The following OLAH variants were observed in gnomAD, a reference collection of about 807,000 sequenced individuals.
OLAH encodes oleoyl-ACP hydrolase.
OLAH carries 33 observed loss-of-function variants against 27.8 expected under a neutral mutation model. That is an observed-to-expected ratio of 1.19 (90% CI 0.90 to 1.59). The LOEUF is 1.59. Ranked by LOEUF, OLAH falls within the 40% of genes most tolerant of loss-of-function variation. The pLI is 0.00. For missense variants in OLAH, 359 were observed against 310.8 expected (o/e 1.16, Z -1.17); for synonymous variants, 120 against 102.9 (o/e 1.17, Z -1.01).
intron 3 of OLAH, among the ~76,000 whole-genome samples, chr10:15,051,117 C>T (rs1380927288): frequency 6.9e-6 from 1 of 143,922 alleles, no homozygotes; most frequent in Non-Finnish European, 1.5e-5. Flanking sequence ...GCTCTGTCTC[C>T]CAGGCTGGAG....
In OLAH at chr10:15,043,997, T is replaced by C. The variant is rs1843968331; in HGVS notation, c.-164+11T>C. The C allele has an allele frequency of 6.6e-6, 1 of 152,198 alleles. No homozygotes were observed. The allele number at this position is 152,198 out of a possible 1,614,324, so 9.4% of individuals were successfully genotyped here. On this transcript the variant is annotated intron_variant, in intron 1 of 7. Transcript: ENST00000378228. ...CTCAAAGCCTGGCAAGTGAGTATCT[T>C]ATATTTTAAATTATCTAAAAATCAT...
In OLAH at chr10:15,066,605, TTTTATTTATTTATTTATTTATTTATTTA is replaced by T. The variant is rs150391579; in HGVS notation, c.572+876_572+903del. Among the ~76,000 whole-genome samples, 14 of 144,958 alleles carry T rather than the reference TTTTATTTATTTATTTATTTATTTATTTA, an allele frequency of 9.7e-5. No individual in the cohort carries two copies. In the East Asian group the frequency reaches 1.0e-3, roughly 10 times the overall value. On this transcript the variant is annotated intron_variant, in intron 6 of 7. Coordinates refer to ENST00000378228, the MANE Select transcript of OLAH (RefSeq NM_001039702.3). ...TCCCCAATAATCTTTCCTATTTTTA[TTTTATTTATTTATTTATTTATTTATTTA>T]TTTATTTATTTATTTATTTATTTTT... is the stretch of plus-strand genomic sequence containing the variant.
chr10:15,060,070 C>T (rs1844333088), intron 3 of OLAH, among the ~76,000 whole-genome samples: 1 of 152,064 alleles, frequency 6.6e-6, no homozygotes, highest in South Asian at 2.1e-4. Flanking sequence ...TTCTCTCCTT[C>T]TGGGACTCCA....
At chr10:15,055,333 G>A (rs1302502018) in intron 3 of OLAH, among the ~76,000 whole-genome samples, 1 of 152,142 alleles carries the variant, frequency 6.6e-6, no homozygotes, top group African/African-American at 2.4e-5. Context: ...AAACCACCTC[G>A]TTTGTGTGGG....
intron 1 of OLAH, among the ~76,000 whole-genome samples, chr10:15,037,253 G>C (rs1197954340): frequency 6.6e-6 from 1 of 152,028 alleles, no homozygotes; most frequent in African/African-American, 2.4e-5. Context: ...ATACAGAACA[G>C]TTTTTAATAC....
At chr10:15,051,305 C>A (rs575941525) in intron 3 of OLAH, among the ~76,000 whole-genome samples, 327 of 152,198 alleles carry the variant, frequency 2.1e-3, no homozygotes, top group Non-Finnish European at 2.4e-3. Context: ...TGTTAACAAT[C>A]AGAATTCTTA....
chr10:15,033,193 C>T (rs1041789812), intron 1 of OLAH, among the ~76,000 whole-genome samples: 1 of 152,064 alleles, frequency 6.6e-6, no homozygotes, highest in African/African-American at 2.4e-5. Context: ...AAGTATTTAA[C>T]TCATGTAGCA....
intron 7 of OLAH, 53 bp from the exon 8 acceptor site, chr10:15,073,034 A>T (rs1844622283): frequency 1.3e-6 from 2 of 1,553,080 alleles, no homozygotes; most frequent in African/African-American, 1.4e-5. Flanking sequence ...TCTTGATGTG[A>T]ATCTTTAGTT....
At chr10:15,070,046 T>C (rs540158374) in intron 6 of OLAH, among the ~76,000 whole-genome samples, 79 of 152,276 alleles carry the variant, frequency 5.2e-4, no homozygotes, top group Non-Finnish European at 9.0e-4. Flanking sequence ...CCCATCTCTC[T>C]GTAGTGGGAG....
At chr10:15,042,736 A>T (rs1843941345), upstream of OLAH, among the ~76,000 whole-genome samples, 2 of 151,762 alleles carry the variant, frequency 1.3e-5, no homozygotes, top group African/African-American at 4.8e-5. Context: ...CCTTCTTTTC[A>T]TCCTTAGCTC....
At chr10:15,041,556 G>T (rs1261059710), upstream of OLAH, among the ~76,000 whole-genome samples, 1 of 150,244 alleles carries the variant, frequency 6.7e-6, no homozygotes, top group Non-Finnish European at 1.5e-5. Flanking sequence ...AGGATTACAG[G>T]CGTGAGCCAC....
chr10:15,050,539 ATTT>A (rs764081489), intron 3 of OLAH, among the ~76,000 whole-genome samples: 4 of 109,060 alleles, frequency 3.7e-5, no homozygotes, highest in Admixed American at 1.1e-4. Flanking sequence ...AAGTGCTAGG[ATTT>A]TTTTTTTTTT....
intron 1 of OLAH, among the ~76,000 whole-genome samples, chr10:15,034,804 CTT>C (rs71505056): frequency 4.8e-5 from 4 of 83,462 alleles, no homozygotes; most frequent in Admixed American, 1.2e-4. Context: ...TTCTTTCTTT[CTT>C]TTTTTTTTTT....
chr10:15,060,329 C>T (rs1396676654), intron 3 of OLAH, among the ~76,000 whole-genome samples: 2 of 152,092 alleles, frequency 1.3e-5, no homozygotes, highest in Admixed American at 6.6e-5. Flanking sequence ...GCCACCACGC[C>T]CAGCCAATTT....
At chr10:15,043,230 A>G (rs1018785687), upstream of OLAH, among the ~76,000 whole-genome samples, 5 of 152,090 alleles carry the variant, frequency 3.3e-5, no homozygotes, top group African/African-American at 1.2e-4. Context: ...AAAATAGGGG[A>G]CATAATACCT....
chr10:15,053,679 C>G (rs1844188995), intron 3 of OLAH, among the ~76,000 whole-genome samples: 2 of 151,998 alleles, frequency 1.3e-5, no homozygotes, highest in South Asian at 4.1e-4. Flanking sequence ...TCCAAGTGTA[C>G]TTCACACTTC....
At chr10:15,037,593 G>A (rs761615295) in intron 1 of OLAH, among the ~76,000 whole-genome samples, 13 of 108,414 alleles carry the variant, frequency 1.2e-4, no homozygotes. Context: ...AAAAAAAAGT[G>A]TAAGTCACTA....
chr10:15,051,078 ATTTT>A (rs35201278), intron 3 of OLAH, among the ~76,000 whole-genome samples: 1 of 134,838 alleles, frequency 7.4e-6, no homozygotes. Context: ...TATTATTATT[ATTTT>A]TTTTTTTTTT....
intron 2 of OLAH, among the ~76,000 whole-genome samples, chr10:15,048,311 G>A (rs1448366079): frequency 6.6e-6 from 1 of 152,034 alleles, no homozygotes; most frequent in Non-Finnish European, 1.5e-5. Context: ...CCCCCCTCCT[G>A]GGTTCAAGTA....
Sources: gnomAD v4.1 joint callset for allele counts (sites outside exome capture counted in the v4.1 genomes callset) on GRCh38, gnomAD v4.1.1 for gene constraint, MANE v1.5 for transcripts, NCBI Gene and HGNC (gene_info 2026-07-23, HGNC 2026-07-21) for gene names.